NTPCR: variants seen among roughly 807,000 people sequenced by gnomAD.
NTPCR encodes cancer-related nucleoside-triphosphatase.
In NTPCR, 15 loss-of-function variants were observed where a neutral mutation model predicts 19.5. The ratio of observed to expected loss-of-function variants is 0.77; its 90% CI spans 0.51 to 1.18. The LOEUF is 1.18. NTPCR is among the 50% of genes most tolerant of loss of function. NTPCR has a pLI of 0.00. For missense variants in NTPCR, 206 were observed against 240.4 expected, an observed-to-expected ratio of 0.86 and a Z score of 0.95; for synonymous variants, 90 against 95.8, an observed-to-expected ratio of 0.94 and a Z score of 0.36.
Position 232,955,726 on chromosome 1 carries a change from A to C in NTPCR, c.197+7A>C, listed in dbSNP as rs762009329. 6.2e-7 allele frequency: 1 copy of C among 1,612,792 alleles called. No homozygotes were observed. Among genetic ancestry groups the C allele is most frequent in the Non-Finnish European group, 8.5e-7 (1 of 1,179,292 alleles). ...GGCCTTTATCGAGAGTTGGGTACTGATATTTCATTTCTGTGGTGTTCTATT... is the reference window on the plus strand; with the variant it reads ...GGCCTTTATCGAGAGTTGGGTACTGCTATTTCATTTCTGTGGTGTTCTATT... On this transcript the variant is annotated splice_region_variant and intron_variant, in intron 2 of 4. Coordinates refer to ENST00000366628, the MANE Select transcript of NTPCR (RefSeq NM_032324.3).
Position 232,980,273 on chromosome 1 carries a change from A to G in NTPCR, c.*2042A>G, listed in dbSNP as rs1669248882. 6.6e-6 allele frequency: 1 copy of G among 152,102 alleles called. No individual in the cohort carries two copies. The highest frequency in any genetic ancestry group is 2.4e-5 in the African/African-American group (1 of 41,410). The allele number at this position is 152,102 out of a possible 1,614,324, so 9.4% of individuals were successfully genotyped here. A position where few individuals can be genotyped will look rare whatever the true frequency, so the allele number is the denominator to read the frequency against. On this transcript the variant is annotated 3_prime_UTR_variant, in exon 5 of 5. Transcript: ENST00000366628. ...GGCCCCTAGCACTTGGGGCTGCGGG[A>G]GCTTCTGCACACTTTCCCTTTAACG...
At chr1:232,973,340 A>G (rs903946286) in intron 4 of NTPCR, among the ~76,000 whole-genome samples, 1 of 152,238 alleles carries the variant, frequency 6.6e-6, no homozygotes, top group Non-Finnish European at 1.5e-5. Context: ...GTACTTTCCA[A>G]AAACACCCGA....
chr1:232,957,619 GA>G (rs1668549612), intron 3 of NTPCR, among the ~76,000 whole-genome samples: 2 of 152,054 alleles, frequency 1.3e-5, no homozygotes, highest in Non-Finnish European at 2.9e-5. Flanking sequence ...TCTTTTCAAA[GA>G]ACCAGCTTTT....
intron 1 of NTPCR, among the ~76,000 whole-genome samples, chr1:232,952,096 C>G (rs1231411634): frequency 2.0e-5 from 3 of 152,292 alleles, no homozygotes; most frequent in Admixed American, 6.5e-5. Flanking sequence ...TGTCTTTTCT[C>G]CTTCTCTTCT....
chr1:232,956,902 G>C lies in NTPCR; in HGVS notation c.294+459G>C, dbSNP rs142262243. Among the ~76,000 whole-genome samples the C allele has an allele frequency of 4.2e-3, 641 of 152,136 alleles. 1 individual carries two copies. Among genetic ancestry groups the C allele is most frequent in the Middle Eastern group, 0.017 (5 of 294 alleles). On this transcript the variant is annotated intron_variant, in intron 3 of 4. Transcript: ENST00000366628. ...AAAAAAACTTTATTGACATCTTACG[G>C]CTTCTTTCTTTCTACTTTGAATGCC... is the stretch of plus-strand genomic sequence containing the variant.
chr1:232,960,484 C>T (rs1344577652), intron 3 of NTPCR, among the ~76,000 whole-genome samples: 1 of 151,780 alleles, frequency 6.6e-6, no homozygotes, highest in Non-Finnish European at 1.5e-5. Flanking sequence ...GCTGGGATTA[C>T]AGGTGCCTGC....
chr1:232,970,595 G>A (rs928789538), intron 4 of NTPCR, among the ~76,000 whole-genome samples: 8 of 152,184 alleles, frequency 5.3e-5, no homozygotes, highest in South Asian at 2.1e-4. Context: ...GAGCAGCACC[G>A]TCCAGTTGAA....
At chr1:232,970,909 T>G (rs1668957133) in intron 4 of NTPCR, among the ~76,000 whole-genome samples, 1 of 152,156 alleles carries the variant, frequency 6.6e-6, no homozygotes, top group Admixed American at 6.5e-5. Context: ...CTTGCCCTGG[T>G]CCAAGGAGTC....
chr1:232,960,876 T>TA (rs1558128532), intron 3 of NTPCR, among the ~76,000 whole-genome samples: 1 of 152,148 alleles, frequency 6.6e-6, no homozygotes, highest in African/African-American at 2.4e-5. Flanking sequence ...AAAAAAATTA[T>TA]AAAAAATGTA....
intron 4 of NTPCR, among the ~76,000 whole-genome samples, chr1:232,971,303 G>A (rs1668969587): frequency 6.6e-6 from 1 of 152,176 alleles, no homozygotes; most frequent in African/African-American, 2.4e-5. Context: ...GGCAGGCAGG[G>A]CCACTCCTAT....
rs1393947086 is a variant in NTPCR at position 232,950,723 on chromosome 1, G to A, written c.13G>A (p.Val5Met). 6 of 1,604,278 alleles carry A rather than the reference G, an allele frequency of 3.7e-6. No homozygotes were observed. The highest frequency in any genetic ancestry group is 1.1e-5 in the South Asian group (1 of 90,410). The change falls in exon 1 of 5, where the codon GTG becomes ATG. Residue 5 changes from valine (V) to methionine (M), a missense_variant. Transcript: ENST00000366628. ...CCCGCCCACCAGTATGGCCCGGCACGTGTTCCTAACGGGGCCCCCAGGTAA... is the reference window on the plus strand; with the variant it reads ...CCCGCCCACCAGTATGGCCCGGCACATGTTCCTAACGGGGCCCCCAGGTAA... The part of the protein sequence containing the change: MARH[V>M]FLTGPPGVGK...
At chr1:232,966,551 T>C (rs1297606299) in intron 3 of NTPCR, 1 of 152,232 alleles carries the variant, frequency 6.6e-6, no homozygotes, top group Admixed American at 6.5e-5. Flanking sequence ...CCCAAAAAAA[T>C]CACACTATTT....
At chr1:232,972,533 C>A (rs1669012542) in intron 4 of NTPCR, among the ~76,000 whole-genome samples, 1 of 152,142 alleles carries the variant, frequency 6.6e-6, no homozygotes. Flanking sequence ...CTGAAGCCAT[C>A]CTCCACCTCA....
chr1:232,956,528 G>A lies in NTPCR; in HGVS notation c.294+85G>A. 3.4e-6 allele frequency: 3 copies of A among 874,144 alleles called. No homozygotes were observed. In the Admixed American group the frequency reaches 6.0e-5, roughly 18 times the overall value. The allele number at this position is 874,144 out of a possible 1,614,324, so 54.1% of individuals were successfully genotyped here. ...TAGCCATGGAAACAGAATGCCTTTT[G>A]CTCTTAAAGGCCCCAGTTTTGCATT... On this transcript the variant is annotated intron_variant, in intron 3 of 4. Transcript: ENST00000366628.
At chr1:232,974,045 A>T (rs1450516135) in intron 4 of NTPCR, among the ~76,000 whole-genome samples, 1 of 152,258 alleles carries the variant, frequency 6.6e-6, no homozygotes, top group African/African-American at 2.4e-5. Flanking sequence ...GGCAAAAGAC[A>T]TAAACCTACA....
At chr1:232,966,207 C>A (rs1668812444) in intron 3 of NTPCR, 1 of 152,216 alleles carries the variant, frequency 6.6e-6, no homozygotes, top group South Asian at 2.1e-4. Flanking sequence ...TTTCTGCTTC[C>A]CTAGAACTTG....
At position 232,956,427 on chromosome 1, in the gene NTPCR, T is replaced by C; in HGVS notation, c.278T>C (p.Leu93Pro). The part of the protein sequence containing the change: ...VDLTSFEQLA[L>P]PVLRNADCSS... ...CTGACTTCTTTTGAGCAGTTGGCAC[T>C]ACCCGTCTTGAGGAATGTGAGTACG... is the stretch of plus-strand genomic sequence containing the variant. Residue 93 changes from leucine (L) to proline (P), a missense_variant, in exon 3 of 5, where the codon CTA becomes CCA. Coordinates refer to ENST00000366628, the MANE Select transcript of NTPCR (RefSeq NM_032324.3). 1 of 1,611,830 alleles carries C rather than the reference T, an allele frequency of 6.2e-7. No individual in the cohort carries two copies.
rs896033872 is a variant in NTPCR at position 232,978,549 on chromosome 1, C to A, written c.*318C>A. 1 of 215,294 alleles carries A rather than the reference C, an allele frequency of 4.6e-6. No individual in the cohort carries two copies. The highest frequency in any genetic ancestry group is 1.0e-4 in the South Asian group (1 of 9,842). The allele number at this position is 215,294 out of a possible 1,614,324, so 13.3% of individuals were successfully genotyped here. Reference sequence around the variant, plus strand: ...TTTTCAGAGTATTAGATGGAATTCACCCCCGTTGAAGTTTATAAATGTGTT... The same window carrying A: ...TTTTCAGAGTATTAGATGGAATTCAACCCCGTTGAAGTTTATAAATGTGTT... On this transcript the variant is annotated 3_prime_UTR_variant, in exon 5 of 5. Coordinates refer to ENST00000366628, the MANE Select transcript of NTPCR (RefSeq NM_032324.3).
At chr1:232,952,281 C>A (rs185583374) in intron 1 of NTPCR, among the ~76,000 whole-genome samples, 293 of 152,178 alleles carry the variant, frequency 1.9e-3, no homozygotes, top group African/African-American at 6.9e-3. Context: ...ACAGTTATAG[C>A]TCACTGCATT....
Sources: allele counts gnomAD v4.1 joint callset (sites outside exome capture counted in the v4.1 genomes callset), GRCh38; gene constraint gnomAD v4.1.1; transcripts MANE v1.5; gene names NCBI Gene and HGNC (gene_info 2026-07-23, HGNC 2026-07-21).